HDAC9: variants seen among roughly 807,000 people sequenced by gnomAD.
HDAC9 encodes MEF-2 interacting transcription repressor (MITR) protein.
Under a neutral mutation model 139.4 loss-of-function variants are expected in HDAC9, and 41 were observed. The ratio of observed to expected loss-of-function variants is 0.29; its 90% CI spans 0.23 to 0.38. The LOEUF (loss-of-function observed/expected upper bound fraction) is 0.38. HDAC9 is among the 10% of genes least tolerant of loss of function. The pLI is 1.00. For synonymous variants in HDAC9, 517 were observed against 476.2 expected (o/e 1.09, Z -1.12); for missense variants, 1,147 against 1,297.0 (o/e 0.88, Z 1.78).
intron 1 of HDAC9, among the ~76,000 whole-genome samples, chr7:18,096,256 C>T (rs1027030630): frequency 2.0e-5 from 3 of 152,122 alleles, no homozygotes; most frequent in African/African-American, 7.2e-5. Flanking sequence ...GTACTTTTGC[C>T]TGCCTGTGCT....
intron 14 of HDAC9, among the ~76,000 whole-genome samples, chr7:18,756,217 C>T (rs1024725305): frequency 2.6e-5 from 4 of 152,068 alleles, no homozygotes; most frequent in South Asian, 2.1e-4. Context: ...ATAATCTTAA[C>T]GAGATAGAGA....
At chr7:18,380,762 A>G (rs911625547) in intron 1 of HDAC9, among the ~76,000 whole-genome samples, 2 of 152,232 alleles carry the variant, frequency 1.3e-5, no homozygotes, top group Non-Finnish European at 2.9e-5. Flanking sequence ...AAACAAGTGC[A>G]TAATTTTCAA....
upstream of HDAC9, among the ~76,000 whole-genome samples, chr7:18,288,118 T>C (rs969267486): frequency 1.3e-5 from 2 of 152,232 alleles, no homozygotes; most frequent in Non-Finnish European, 2.9e-5. Flanking sequence ...TGGAAAACCA[T>C]GTTGCTGACA....
chr7:18,510,933 G>A (rs182348244), intron 2 of HDAC9, among the ~76,000 whole-genome samples: 2 of 152,216 alleles, frequency 1.3e-5, no homozygotes, highest in East Asian at 3.9e-4. Flanking sequence ...CATAAATTAG[G>A]ATAAGGGCAT....
chr7:18,661,897 A>G (rs1377359630), intron 11 of HDAC9, among the ~76,000 whole-genome samples: 2 of 152,142 alleles, frequency 1.3e-5, no homozygotes, highest in African/African-American at 2.4e-5. Context: ...TGTCATATGC[A>G]TATCTGTGTC....
chr7:18,663,240 G>A (rs905095243), intron 11 of HDAC9, among the ~76,000 whole-genome samples: 4 of 152,072 alleles, frequency 2.6e-5, no homozygotes, highest in Non-Finnish European at 5.9e-5. Flanking sequence ...TCATAATGTT[G>A]GGGAATGAGG....
chr7:18,652,489 A>G (rs77303313), intron 11 of HDAC9, among the ~76,000 whole-genome samples: 3,220 of 152,204 alleles, frequency 0.021, 76 homozygotes, highest in African/African-American at 0.066. Context: ...AGCACTGCCT[A>G]AAAAATAAAA....
At position 18,313,313 on chromosome 7, in the gene HDAC9, A is replaced by T. The variant is rs183102152; in HGVS notation, c.-42+22798A>T. Among the ~76,000 whole-genome samples, 8 of 152,298 alleles carry T rather than the reference A, an allele frequency of 5.3e-5. No homozygotes were observed. The South Asian group carries it at 6.2e-4, about 12-fold the overall frequency. ...GTCCATTCTGCATTTTTCTGATTCAATTATATCCACAGTAACTCAGAGATA... is the reference window on the plus strand; with the variant it reads ...GTCCATTCTGCATTTTTCTGATTCATTTATATCCACAGTAACTCAGAGATA... On this transcript the variant is annotated intron_variant, in intron 1 of 3. Coordinates refer to the HDAC9 transcript ENST00000413509.
At chr7:18,933,742 A>T (rs1473884340) in intron 22 of HDAC9, among the ~76,000 whole-genome samples, 1 of 152,188 alleles carries the variant, frequency 6.6e-6, no homozygotes, top group East Asian at 1.9e-4. Context: ...GTTACAGAAT[A>T]TAAAATAATT....
chr7:18,236,430 C>G (rs573036813), intron 2 of HDAC9, among the ~76,000 whole-genome samples: 2 of 152,274 alleles, frequency 1.3e-5, no homozygotes, highest in East Asian at 3.9e-4. Context: ...GAGTTTAAAT[C>G]AGAAGTAACT....
At chr7:18,796,614 T>A (rs890780200) in intron 17 of HDAC9, among the ~76,000 whole-genome samples, 20 of 152,320 alleles carry the variant, frequency 1.3e-4, no homozygotes, top group African/African-American at 4.6e-4. Flanking sequence ...AATTTACAGG[T>A]ATTCAAATTG....
chr7:18,123,938 A>G (rs781212055), intron 1 of HDAC9, among the ~76,000 whole-genome samples: 6 of 152,224 alleles, frequency 3.9e-5, no homozygotes, highest in African/African-American at 7.2e-5. Context: ...GTCTGTACAT[A>G]ACAACCTCCT....
At chr7:18,775,661 A>G (rs917635123) in intron 16 of HDAC9, among the ~76,000 whole-genome samples, 1 of 149,928 alleles carries the variant, frequency 6.7e-6, no homozygotes, top group Non-Finnish European at 1.5e-5. Flanking sequence ...CAACATGTAG[A>G]CTCACATTTT....
intron 13 of HDAC9, among the ~76,000 whole-genome samples, chr7:18,742,448 A>G (rs1787547470): frequency 6.6e-6 from 1 of 152,216 alleles, no homozygotes; most frequent in African/African-American, 2.4e-5. Context: ...TCTTTGACAC[A>G]ATGATTCCAC....
intron 12 of HDAC9, among the ~76,000 whole-genome samples, chr7:18,706,160 C>CTTT (rs1165670432): frequency 1.4e-4 from 12 of 86,754 alleles, no homozygotes; most frequent in Middle Eastern, 0.01. Context: ...GAAAGTTTTC[C>CTTT]TTTTTTTTTT....
intron 16 of HDAC9, among the ~76,000 whole-genome samples, chr7:18,790,556 G>A (rs1792214122): frequency 6.6e-6 from 1 of 151,996 alleles, no homozygotes; most frequent in South Asian, 2.1e-4. Flanking sequence ...CCTACCCCTT[G>A]GTATTTTGTT....
intron 1 of HDAC9, among the ~76,000 whole-genome samples, chr7:18,139,617 C>T (rs899902163): frequency 3.3e-5 from 5 of 152,082 alleles, no homozygotes; most frequent in African/African-American, 9.7e-5. Flanking sequence ...AATAATGGCA[C>T]CCCATAAAAT....
intron 1 of HDAC9, among the ~76,000 whole-genome samples, chr7:18,348,651 A>T (rs1044204662): frequency 6.6e-6 from 1 of 152,172 alleles, no homozygotes; most frequent in African/African-American, 2.4e-5. Flanking sequence ...AGATGTATTT[A>T]GAGGTAAAGA....
chr7:18,256,759 T>C (rs1280664395), intron 2 of HDAC9, among the ~76,000 whole-genome samples: 1 of 152,166 alleles, frequency 6.6e-6, no homozygotes, highest in Admixed American at 6.5e-5. Flanking sequence ...GTTCCATTGC[T>C]CTCTTATTTG....
Sources: gnomAD v4.1 joint callset for allele counts (sites outside exome capture counted in the v4.1 genomes callset) on GRCh38, gnomAD v4.1.1 for gene constraint, MANE v1.5 for transcripts, NCBI Gene and HGNC (gene_info 2026-07-23, HGNC 2026-07-21) for gene names.